PAPPA2: variants seen among roughly 807,000 people sequenced by gnomAD.
The protein encoded by PAPPA2 is pappalysin 2.
In PAPPA2, 86 loss-of-function variants were observed where a neutral mutation model predicts 176.4. The observed-to-expected ratio is 0.49, with a 90% CI of 0.41 to 0.58. The LOEUF is 0.58. Ranked by LOEUF, PAPPA2 falls within the 20% of genes least tolerant of loss-of-function variation. The pLI, the probability that PAPPA2 is intolerant of heterozygous loss-of-function variation, is 0.00. For missense variants in PAPPA2, 2,073 were observed against 2,256.9 expected, an observed-to-expected ratio of 0.92 and a Z score of 1.65; for synonymous variants, 809 against 852.2, an observed-to-expected ratio of 0.95 and a Z score of 0.88.
intron 3 of PAPPA2, among the ~76,000 whole-genome samples, chr1:176,631,539 A>G (rs1249233438): frequency 1.3e-5 from 2 of 152,238 alleles, no homozygotes; most frequent in South Asian, 2.1e-4. Flanking sequence ...TGTATGTTAT[A>G]TAAATTCTAT....
chr1:176,602,532 A>G (rs1420748510), intron 3 of PAPPA2, among the ~76,000 whole-genome samples: 1 of 152,228 alleles, frequency 6.6e-6, no homozygotes, highest in Non-Finnish European at 1.5e-5. Flanking sequence ...AGGCATGGTC[A>G]GGCTGGGCCC....
At chr1:176,580,897 A>G (rs995311117) in intron 2 of PAPPA2, among the ~76,000 whole-genome samples, 5 of 152,146 alleles carry the variant, frequency 3.3e-5, no homozygotes, top group Non-Finnish European at 7.4e-5. Context: ...TTGGATGAAT[A>G]GTTGCAACTA....
chr1:176,575,964 A>G (rs945710229), intron 2 of PAPPA2, among the ~76,000 whole-genome samples: 13 of 152,150 alleles, frequency 8.5e-5, no homozygotes, highest in African/African-American at 3.1e-4. Context: ...TATTCTTCTC[A>G]GGTGTGATTT....
chr1:176,681,425 T>C (rs1342097967), intron 4 of PAPPA2, among the ~76,000 whole-genome samples: 1 of 152,086 alleles, frequency 6.6e-6, no homozygotes, highest in African/African-American at 2.4e-5. Flanking sequence ...ACATAAGGGA[T>C]CTTCAGATGA....
intron 21 of PAPPA2, among the ~76,000 whole-genome samples, chr1:176,813,215 A>ATG (rs1666232648): frequency 6.6e-6 from 1 of 152,036 alleles, no homozygotes; most frequent in South Asian, 2.1e-4. Flanking sequence ...GGTTTATTCC[A>ATG]TGTGTTTGCT....
chr1:176,560,375 G>T (rs1651593089), intron 2 of PAPPA2, among the ~76,000 whole-genome samples: 1 of 152,200 alleles, frequency 6.6e-6, no homozygotes, highest in South Asian at 2.1e-4. Context: ...GGACAACACG[G>T]AGCTCACAGG....
intron 12 of PAPPA2, among the ~76,000 whole-genome samples, chr1:176,730,600 T>G (rs1386104927): frequency 2.2e-5 from 2 of 89,410 alleles, no homozygotes; most frequent in Admixed American, 9.7e-5. Flanking sequence ...TTGTTTTTTG[T>G]TTTTTTTTTG....
chr1:176,516,374 C>T (rs943681871), intron 1 of PAPPA2, among the ~76,000 whole-genome samples: 1 of 151,954 alleles, frequency 6.6e-6, no homozygotes, highest in African/African-American at 2.4e-5. Context: ...CCCCCATCCC[C>T]TGCCTTAATA....
intron 12 of PAPPA2, among the ~76,000 whole-genome samples, chr1:176,726,703 G>A (rs1661890867): frequency 6.6e-6 from 1 of 152,186 alleles, no homozygotes; most frequent in Non-Finnish European, 1.5e-5. Context: ...TCAAGGATGA[G>A]GAGAATTTGT....
At chr1:176,547,049 T>C (rs1054322260) in intron 1 of PAPPA2, among the ~76,000 whole-genome samples, 1 of 152,186 alleles carries the variant, frequency 6.6e-6, no homozygotes, top group Admixed American at 6.5e-5. Context: ...CTGGTAAAAG[T>C]TAATTAATAA....
At chr1:176,639,016 A>C (rs749530130) in intron 3 of PAPPA2, among the ~76,000 whole-genome samples, 3 of 151,278 alleles carry the variant, frequency 2.0e-5, no homozygotes, top group Non-Finnish European at 3.0e-5. Context: ...AAGGTCCAAA[A>C]TACTTGGTTA....
chr1:176,754,228 G>A (rs1440043871), intron 14 of PAPPA2, among the ~76,000 whole-genome samples: 1 of 152,110 alleles, frequency 6.6e-6, no homozygotes, highest in East Asian at 1.9e-4. Context: ...CTAGGAACAG[G>A]TGAAACCAGC....
chr1:176,601,784 C>T (rs1654337985), intron 3 of PAPPA2, among the ~76,000 whole-genome samples: 1 of 152,176 alleles, frequency 6.6e-6, no homozygotes, highest in South Asian at 2.1e-4. Flanking sequence ...CTCAGGGGAA[C>T]TTGTCTTCCC....
At position 176,524,456 on chromosome 1, in the gene PAPPA2, C is replaced by A. The variant is rs531614807; in HGVS notation, c.-916-30951C>A. ...CAAAGAAAACAGCATTATAACAACTCAACACTACAAGGAAGATGATGTTAA... is the reference window on the plus strand; with the variant it reads ...CAAAGAAAACAGCATTATAACAACTAAACACTACAAGGAAGATGATGTTAA... On this transcript the variant is annotated intron_variant, in intron 1 of 22. Coordinates refer to ENST00000367662, the MANE Select transcript of PAPPA2 (RefSeq NM_020318.3). Among the ~76,000 whole-genome samples, 4 of 152,232 alleles carry A rather than the reference C, an allele frequency of 2.6e-5. No homozygotes were observed. The South Asian group carries it at 8.3e-4, about 32-fold the overall frequency.
chr1:176,514,696 A>G (rs893309946), intron 1 of PAPPA2, among the ~76,000 whole-genome samples: 2 of 152,228 alleles, frequency 1.3e-5, no homozygotes, highest in Non-Finnish European at 2.9e-5. Context: ...TTATTTATCC[A>G]TAGCATTCTT....
At chr1:176,623,695 TTCC>T (rs1655797401) in intron 3 of PAPPA2, among the ~76,000 whole-genome samples, 1 of 124,564 alleles carries the variant, frequency 8.0e-6, no homozygotes, top group African/African-American at 3.5e-5. Flanking sequence ...CTCTCTCTCT[TTCC>T]TTTCTTTCTT....
intron 22 of PAPPA2, 83 bp from the exon 23 acceptor site, chr1:176,842,297 C>T: frequency 7.9e-7 from 1 of 1,267,818 alleles, no homozygotes; most frequent in Non-Finnish European, 1.1e-6. Context: ...CCTCTGGGAC[C>T]AAGTGAGGAA....
chr1:176,576,491 G>C (rs1652654243), intron 2 of PAPPA2, among the ~76,000 whole-genome samples: 1 of 151,812 alleles, frequency 6.6e-6, no homozygotes, highest in African/African-American at 2.4e-5. Context: ...GTGTGTGTGT[G>C]TGTGTGTTTG....
At chr1:176,609,363 T>C (rs1258365122) in intron 3 of PAPPA2, among the ~76,000 whole-genome samples, 4 of 152,172 alleles carry the variant, frequency 2.6e-5, no homozygotes, top group Admixed American at 6.5e-5. Flanking sequence ...TTATGGAGCT[T>C]ACAGTCTATG....
Sources: allele counts gnomAD v4.1 joint callset (sites outside exome capture counted in the v4.1 genomes callset), GRCh38; gene constraint gnomAD v4.1.1; transcripts MANE v1.5; gene names NCBI Gene and HGNC (gene_info 2026-07-23, HGNC 2026-07-21).